Variants in KCNJ6 observed in about 807,000 individuals in gnomAD.
KCNJ6 encodes potassium inwardly rectifying channel subfamily J member 6.
KCNJ6 carries 9 observed loss-of-function variants against 34.2 expected under a neutral mutation model. The ratio of observed to expected loss-of-function variants is 0.26; its 90% CI spans 0.16 to 0.46. The LOEUF (loss-of-function observed/expected upper bound fraction) is 0.46, where lower values mean the gene tolerates loss of function less well. KCNJ6 is among the 20% of genes least tolerant of loss of function. The pLI is 1.00. For missense variants in KCNJ6, 236 were observed against 531.3 expected, an observed-to-expected ratio of 0.44 and a Z score of 5.46; for synonymous variants, 196 against 207.1, an observed-to-expected ratio of 0.95 and a Z score of 0.46.
chr21:37,859,487 TTA>T (rs55859652), intron 1 of KCNJ6, among the ~76,000 whole-genome samples: 1,884 of 83,718 alleles, frequency 0.023, 25 homozygotes, highest in Non-Finnish European at 0.031. Flanking sequence ...TTATATTACT[TTA>T]TATATATATA....
At chr21:37,662,014 C>T (rs1013547617) in intron 3 of KCNJ6, among the ~76,000 whole-genome samples, 3 of 152,010 alleles carry the variant, frequency 2.0e-5, no homozygotes, top group Non-Finnish European at 4.4e-5. Flanking sequence ...TGATCATTTG[C>T]GTTCTGCTTA....
chr21:37,858,118 A>G (rs7280076), intron 1 of KCNJ6, among the ~76,000 whole-genome samples: 122,255 of 152,024 alleles, frequency 0.8, 49,337 homozygotes, highest in East Asian at 0.91. Context: ...TTGGCCAGGT[A>G]CGGTGGCTCA....
At chr21:37,683,924 T>C (rs2835891) in intron 3 of KCNJ6, among the ~76,000 whole-genome samples, 14,385 of 152,164 alleles carry the variant, frequency 0.095, 1,634 homozygotes, top group African/African-American at 0.27. Context: ...CATGAATCTT[T>C]CTGATGGTCT....
intron 2 of KCNJ6, among the ~76,000 whole-genome samples, chr21:37,832,307 G>T (rs1481262224): frequency 6.6e-6 from 1 of 151,642 alleles, no homozygotes. Flanking sequence ...CATCTAGTGG[G>T]CCTGGAGTAG....
chr21:37,887,997 T>C (rs2055743909), intron 1 of KCNJ6, among the ~76,000 whole-genome samples: 1 of 152,232 alleles, frequency 6.6e-6, no homozygotes, highest in South Asian at 2.1e-4. Context: ...CCAAGGCTTG[T>C]TGCTGCCATA....
At chr21:37,645,280 G>A (rs1250350065) in intron 3 of KCNJ6, among the ~76,000 whole-genome samples, 1 of 152,058 alleles carries the variant, frequency 6.6e-6, no homozygotes, top group East Asian at 1.9e-4. Flanking sequence ...AGGGAGGATT[G>A]CTTGAACCCC....
chr21:37,783,230 G>A (rs1030950479), intron 2 of KCNJ6, among the ~76,000 whole-genome samples: 4 of 152,206 alleles, frequency 2.6e-5, no homozygotes, highest in African/African-American at 7.2e-5. Context: ...AACCACGGAT[G>A]AGGGCGTGCA....
At chr21:37,735,993 G>A (rs1035902118) in intron 2 of KCNJ6, among the ~76,000 whole-genome samples, 2 of 150,204 alleles carry the variant, frequency 1.3e-5, no homozygotes, top group African/African-American at 4.9e-5. Flanking sequence ...CTCCCCCTCC[G>A]GGCTCTGACT....
intron 2 of KCNJ6, among the ~76,000 whole-genome samples, chr21:37,789,239 C>A (rs1482860477): frequency 1.3e-5 from 2 of 152,162 alleles, no homozygotes; most frequent in East Asian, 3.9e-4. Context: ...ATTGTGTTCC[C>A]CCACATTTAC....
intron 2 of KCNJ6, among the ~76,000 whole-genome samples, chr21:37,722,425 A>G (rs2054831592): frequency 6.6e-6 from 1 of 152,240 alleles, no homozygotes; most frequent in African/African-American, 2.4e-5. Flanking sequence ...TTTTTCACAG[A>G]TTTATAAAAA....
chr21:37,776,545 G>A (rs2055143536), intron 2 of KCNJ6, among the ~76,000 whole-genome samples: 1 of 152,146 alleles, frequency 6.6e-6, no homozygotes, highest in East Asian at 1.9e-4. Context: ...TTTATTGAGA[G>A]TTTTTAGCAT....
intron 1 of KCNJ6, among the ~76,000 whole-genome samples, chr21:37,913,906 A>G (rs1309632212): frequency 2.6e-5 from 4 of 152,132 alleles, no homozygotes; most frequent in African/African-American, 9.7e-5. Flanking sequence ...TCTATGCCCA[A>G]CAAAAAGTTA....
intron 3 of KCNJ6, among the ~76,000 whole-genome samples, chr21:37,634,240 C>T (rs2054346665): frequency 6.6e-6 from 1 of 152,088 alleles, no homozygotes; most frequent in African/African-American, 2.4e-5. Context: ...TGAGTAAGTT[C>T]TCGTTCTATC....
intron 2 of KCNJ6, among the ~76,000 whole-genome samples, chr21:37,732,447 G>A (rs868343736): frequency 5.3e-5 from 8 of 152,210 alleles, no homozygotes; most frequent in African/African-American, 7.2e-5. Flanking sequence ...GACACAAGTC[G>A]CCCTCTCTTA....
chr21:37,632,689 G>A (rs1285872978), intron 3 of KCNJ6, among the ~76,000 whole-genome samples: 1 of 146,230 alleles, frequency 6.8e-6, no homozygotes, highest in Non-Finnish European at 1.5e-5. Flanking sequence ...CATAACTTTA[G>A]AAACAGCAGA....
intron 3 of KCNJ6, among the ~76,000 whole-genome samples, chr21:37,654,002 T>G (rs921362228): frequency 6.6e-6 from 1 of 151,808 alleles, no homozygotes; most frequent in Non-Finnish European, 1.5e-5. Flanking sequence ...TAGAAAGTTC[T>G]GGAACCAGCC....
At chr21:37,878,725 G>C (rs1430173321) in intron 1 of KCNJ6, among the ~76,000 whole-genome samples, 1 of 152,208 alleles carries the variant, frequency 6.6e-6, no homozygotes, top group Non-Finnish European at 1.5e-5. Context: ...GAATCACAAA[G>C]GGAAAAATAC....
intron 2 of KCNJ6, among the ~76,000 whole-genome samples, chr21:37,819,799 CTT>C (rs60678115): frequency 0.22 from 31,981 of 148,560 alleles, 5,573 homozygotes; most frequent in African/African-American, 0.46. Context: ...GTTAAATACA[CTT>C]TTTTTTTTTT....
At chr21:37,793,824 G>A (rs371233279) in intron 2 of KCNJ6, among the ~76,000 whole-genome samples, 3 of 152,294 alleles carry the variant, frequency 2.0e-5, no homozygotes, top group African/African-American at 7.2e-5. Flanking sequence ...TGCAAGGGCC[G>A]GTGCCTAACT....
Sources: allele counts gnomAD v4.1 joint callset (sites outside exome capture counted in the v4.1 genomes callset), GRCh38; gene constraint gnomAD v4.1.1; transcripts MANE v1.5; gene names NCBI Gene and HGNC (gene_info 2026-07-23, HGNC 2026-07-21).